Variants in HRH1 observed in about 807,000 individuals in gnomAD.
HRH1 encodes histamine H1 receptor.
A neutral mutation model predicts 10.3 loss-of-function variants in HRH1; 6 were observed. That is an observed-to-expected ratio of 0.58 (90% confidence interval 0.32 to 1.15). The LOEUF (loss-of-function observed/expected upper bound fraction) is 1.15. Among genes scored for constraint, HRH1 ranks in the 50% most tolerant of loss-of-function variants. The pLI is 0.05. For missense variants in HRH1, 514 were observed against 615.3 expected (o/e 0.84, Z 1.74); for synonymous variants, 242 against 236.7 (o/e 1.02, Z -0.21).
intron 1 of HRH1, among the ~76,000 whole-genome samples, chr3:11,164,396 C>T (rs924692795): frequency 6.6e-6 from 1 of 152,152 alleles, no homozygotes; most frequent in Non-Finnish European, 1.5e-5. Flanking sequence ...ATCCTTATCC[C>T]CCAGGCTGGT....
chr3:11,202,064 C>T (rs1038580114), intron 1 of HRH1, among the ~76,000 whole-genome samples: 2 of 152,040 alleles, frequency 1.3e-5, no homozygotes, highest in African/African-American at 2.4e-5. Flanking sequence ...TTGAGTTTTG[C>T]GGTAGATAAA....
chr3:11,255,804 T>C (rs374544687), intron 1 of HRH1, among the ~76,000 whole-genome samples: 61 of 152,338 alleles, frequency 4.0e-4, no homozygotes, highest in African/African-American at 1.4e-3. Flanking sequence ...AGATATGCAT[T>C]TATCTCAGTG....
intron 1 of HRH1, among the ~76,000 whole-genome samples, chr3:11,214,068 G>A (rs1365557261): frequency 1.3e-5 from 2 of 152,102 alleles, no homozygotes; most frequent in Non-Finnish European, 2.9e-5. Flanking sequence ...AGATGGAACA[G>A]CGCGAACAAA....
intron 1 of HRH1, among the ~76,000 whole-genome samples, chr3:11,203,309 A>G (rs1028984284): frequency 4.6e-5 from 7 of 152,238 alleles, no homozygotes; most frequent in Non-Finnish European, 1.0e-4. Context: ...GAGTATATTT[A>G]GTTTTGTGAG....
intron 1 of HRH1, among the ~76,000 whole-genome samples, chr3:11,210,878 C>T (rs1027823092): frequency 6.6e-6 from 1 of 151,878 alleles, no homozygotes; most frequent in Non-Finnish European, 1.5e-5. Flanking sequence ...ATAAGTAGAG[C>T]ATCATGCAGT....
intron 1 of HRH1, among the ~76,000 whole-genome samples, chr3:11,175,295 C>T (rs888720758): frequency 1.3e-5 from 2 of 152,218 alleles, no homozygotes; most frequent in African/African-American, 2.4e-5. Context: ...TCAGACACCC[C>T]CAGGTCATTT....
chr3:11,149,760 A>G (rs189545195), upstream of HRH1, among the ~76,000 whole-genome samples: 10 of 152,378 alleles, frequency 6.6e-5, no homozygotes, highest in East Asian at 1.9e-3. Context: ...GAGCCATTAC[A>G]TGTTCTCCTA....
intron 1 of HRH1, among the ~76,000 whole-genome samples, chr3:11,181,843 G>C (rs1937360661): frequency 6.6e-6 from 1 of 152,054 alleles, no homozygotes; most frequent in Admixed American, 6.5e-5. Context: ...ATGTTAGCCA[G>C]GATGGTCTCG....
At chr3:11,187,751 G>C (rs1552497) in intron 1 of HRH1, among the ~76,000 whole-genome samples, 2,455 of 152,212 alleles carry the variant, frequency 0.016, 65 homozygotes, top group African/African-American at 0.056. Flanking sequence ...ACGATGATTT[G>C]TATTTTTGTG....
chr3:11,169,026 C>G (rs908295096), intron 1 of HRH1, among the ~76,000 whole-genome samples: 3 of 152,210 alleles, frequency 2.0e-5, no homozygotes, highest in African/African-American at 7.2e-5. Flanking sequence ...GCTGAGCTCT[C>G]GCCTGAACAG....
At chr3:11,203,566 T>C (rs1419754747) in intron 1 of HRH1, among the ~76,000 whole-genome samples, 1 of 152,216 alleles carries the variant, frequency 6.6e-6, no homozygotes, top group African/African-American at 2.4e-5. Flanking sequence ...ATGTACTTTT[T>C]TGCATGTGGA....
In HRH1 at chr3:11,259,478, C is replaced by A. The variant is rs1335851294; in HGVS notation, c.441C>A (p.Thr147=). 2 of 1,613,930 alleles carry A rather than the reference C, an allele frequency of 1.2e-6. No individual in the cohort carries two copies. Among genetic ancestry groups the A allele is most frequent in the Non-Finnish European group, 1.7e-6 (2 of 1,180,018 alleles). The part of the protein sequence containing the change: ...KYRTKTRASA[T]ILGAWFLSFL... ...GTACCAAGACCCGAGCCTCGGCCAC[C>A]ATTCTGGGGGCCTGGTTTCTCTCTT... is the stretch of plus-strand genomic sequence containing the variant. Residue 147 remains threonine (T), a synonymous_variant, in exon 2 of 2, where the codon ACC becomes ACA. Coordinates refer to ENST00000431010, the MANE Select transcript of HRH1 (RefSeq NM_001098212.2). The surrounding 1 kb of genome is among the most constrained non-coding windows in gnomAD (Gnocchi z 4.6).
chr3:11,219,303 A>C (rs1274931093), intron 1 of HRH1, among the ~76,000 whole-genome samples: 3 of 152,222 alleles, frequency 2.0e-5, no homozygotes, highest in African/African-American at 2.4e-5. Context: ...AATTCTGGAG[A>C]TGGATGGTGG....
intron 1 of HRH1, among the ~76,000 whole-genome samples, chr3:11,214,705 A>G (rs562659809): frequency 2.6e-5 from 4 of 152,342 alleles, no homozygotes; most frequent in African/African-American, 7.2e-5. Context: ...GACACTTTGT[A>G]TATGTTTAAT....
chr3:11,151,125 T>G (rs530229301), upstream of HRH1, among the ~76,000 whole-genome samples: 56 of 152,314 alleles, frequency 3.7e-4, no homozygotes, highest in Middle Eastern at 3.4e-3. Context: ...CCAAAACAAC[T>G]GTAACGGTTT....
intron 1 of HRH1, among the ~76,000 whole-genome samples, chr3:11,167,228 G>A (rs1391306215): frequency 8.2e-5 from 10 of 121,416 alleles, no homozygotes; most frequent in Non-Finnish European, 1.4e-4. Flanking sequence ...CTCCAGGCCC[G>A]TGACATCTGC....
At chr3:11,252,196 G>A (rs143698817) in intron 1 of HRH1, among the ~76,000 whole-genome samples, 2,085 of 152,318 alleles carry the variant, frequency 0.014, 28 homozygotes, top group Middle Eastern at 0.044. Context: ...TCCATAGACG[G>A]CAGTATCTGA....
chr3:11,201,600 G>A (rs1937911435), intron 1 of HRH1, among the ~76,000 whole-genome samples: 1 of 152,138 alleles, frequency 6.6e-6, no homozygotes, highest in African/African-American at 2.4e-5. Context: ...AGGACCTGAG[G>A]TTAAACATGG....
At chr3:11,192,598 G>T (rs972317408) in intron 1 of HRH1, among the ~76,000 whole-genome samples, 1 of 152,138 alleles carries the variant, frequency 6.6e-6, no homozygotes, top group African/African-American at 2.4e-5. Context: ...GTTTTTGTTT[G>T]TTTGTTCAAT....
Sources: allele counts gnomAD v4.1 joint callset (sites outside exome capture counted in the v4.1 genomes callset), GRCh38; gene constraint gnomAD v4.1.1; non-coding constraint Gnocchi (gnomAD v3.1); transcripts MANE v1.5; gene names NCBI Gene and HGNC (gene_info 2026-07-23, HGNC 2026-07-21).